TMEM254: variants seen among roughly 807,000 people sequenced by gnomAD.
TMEM254 encodes transmembrane protein 254, also known as transmembrane protein C10orf57.
Under a neutral mutation model 13.9 loss-of-function variants are expected in TMEM254, and 16 were observed. The observed-to-expected ratio is 1.15, with a 90% CI of 0.78 to 1.75. The LOEUF (loss-of-function observed/expected upper bound fraction) is 1.75. Ranked by LOEUF, TMEM254 falls within the 40% of genes most tolerant of loss-of-function variation. The pLI is 0.00. For synonymous variants in TMEM254, 61 were observed against 56.4 expected (o/e 1.08, Z -0.36); for missense variants, 155 against 149.0 (o/e 1.04, Z -0.21).
At chr10:80,083,889 C>T (rs540600051) in intron 3 of TMEM254, among the ~76,000 whole-genome samples, 1 of 152,014 alleles carries the variant, frequency 6.6e-6, no homozygotes, top group Non-Finnish European at 1.5e-5. Context: ...CCATCCTGGC[C>T]AACATGACAA....
Position 80,082,210 on chromosome 10 carries a change from T to G in TMEM254, c.251+6T>G, listed in dbSNP as rs138678761. ...TATGCCATAGTATTGTGCAAGTAAG[T>G]CTTTGAAGTAGGTGTTTGTTGCCTT... On this transcript the variant is annotated splice_donor_region_variant and intron_variant, in intron 3 of 3. Transcript: ENST00000372281. 7.9e-4 allele frequency: 1,271 copies of G among 1,614,054 alleles called. 15 individuals are homozygous for G. In the African/African-American group the frequency reaches 0.015, roughly 19 times the overall value.
rs1434191039 is a variant in TMEM254, at chr10:80,082,201, G to A, written c.248G>A (p.Cys83Tyr). The A allele has an allele frequency of 6.2e-7, 1 of 1,614,132 alleles. No homozygotes were observed. Among genetic ancestry groups the A allele is most frequent in the Non-Finnish European group, 8.5e-7 (1 of 1,180,026 alleles). Residue 83 changes from cysteine to tyrosine, a missense_variant, in exon 3 of 4, where the codon TGC becomes TAC. By Grantham distance (194) the Cys-to-Tyr change is radical (BLOSUM62 -2). Transcript: ENST00000372281. Reference sequence around the variant, plus strand: ...GAGTCCTTGTATGCCATAGTATTGTGCAAGTAAGTCTTTGAAGTAGGTGTT... The same window carrying A: ...GAGTCCTTGTATGCCATAGTATTGTACAAGTAAGTCTTTGAAGTAGGTGTT... The part of the protein sequence containing the change: ...VGESLYAIVL[C>Y]KHKGITSGRA...
At chr10:80,088,699 C>T (rs1255081312) in intron 3 of TMEM254, among the ~76,000 whole-genome samples, 5 of 146,768 alleles carry the variant, frequency 3.4e-5, no homozygotes, top group African/African-American at 5.0e-5. Context: ...CGGGAGGCCC[C>T]GGAGCTTGCA....
intron 3 of TMEM254, among the ~76,000 whole-genome samples, chr10:80,083,262 C>G (rs1429209101): frequency 2.0e-5 from 3 of 151,960 alleles, no homozygotes; most frequent in Non-Finnish European, 1.5e-5. Context: ...CACCACCATG[C>G]CTGGCTAATT....
At chr10:80,082,367 G>C (rs1258304406) in intron 3 of TMEM254, 163 bp downstream of exon 3, 1 of 708,402 alleles carries the variant, frequency 1.4e-6, no homozygotes, top group African/African-American at 1.8e-5. Flanking sequence ...GCAGTACCCA[G>C]TAAATGTTTG....
At chr10:80,085,031 A>G (rs1442554541) in intron 3 of TMEM254, among the ~76,000 whole-genome samples, 2 of 152,008 alleles carry the variant, frequency 1.3e-5, no homozygotes, top group Non-Finnish European at 2.9e-5. Context: ...CATGTTGGCC[A>G]GGATGGTCTT....
At chr10:80,080,905 CTCTG>C (rs1023363242) in intron 1 of TMEM254, among the ~76,000 whole-genome samples, 5 of 152,176 alleles carry the variant, frequency 3.3e-5, no homozygotes, top group Admixed American at 6.5e-5. Context: ...CATGGTGAAA[CTCTG>C]TCTGTATTAA....
chr10:80,088,199 T>C (rs1163296832), intron 3 of TMEM254, among the ~76,000 whole-genome samples: 2 of 152,206 alleles, frequency 1.3e-5, no homozygotes, highest in Admixed American at 6.5e-5. Context: ...TTCTGTTCCA[T>C]TGGCCTGTTT....
intron 3 of TMEM254, among the ~76,000 whole-genome samples, chr10:80,084,778 G>A (rs769749482): frequency 1.1e-4 from 16 of 151,918 alleles, no homozygotes; most frequent in Non-Finnish European, 2.1e-4. Flanking sequence ...GTTGGCATTT[G>A]GAGTATCTGA....
chr10:80,079,042 C>G (rs1306725076), intron 1 of TMEM254: 1 of 1,499,638 alleles, frequency 6.7e-7, no homozygotes, highest in Non-Finnish European at 9.0e-7. Context: ...GCGGGGACGG[C>G]TGGGGAGCTC....
At chr10:80,079,619 C>T (rs1843864085) in intron 1 of TMEM254, 1 of 986,708 alleles carries the variant, frequency 1.0e-6, no homozygotes. Flanking sequence ...GAAAGCTGTA[C>T]CTAGAAAAAG....
intron 3 of TMEM254, 99 bp downstream of exon 3, chr10:80,082,303 A>G (rs1844079183): frequency 6.4e-6 from 9 of 1,405,204 alleles, no homozygotes; most frequent in Non-Finnish European, 9.0e-6. Flanking sequence ...TAGGCTGAGA[A>G]TATTCTCAGG....
chr10:80,082,317 G>T, intron 3 of TMEM254, 113 bp downstream of exon 3: 2 of 1,271,768 alleles, frequency 1.6e-6, no homozygotes, highest in Non-Finnish European at 2.3e-6. Context: ...TCTCAGGGTA[G>T]AGCGGAATCC....
rs1325063988 is a variant in TMEM254, at chr10:80,090,871, T to A, written c.326T>A (p.Leu109His). ...LQTFFFGIAS[L>H]TILIAYKRKR... is the part of the protein sequence containing the mutation. ...ACTTTCTTCTTTGGGATAGCGTCTCTCACCATCTTGATTGCTTACAAACGG... is the reference window on the plus strand; with the variant it reads ...ACTTTCTTCTTTGGGATAGCGTCTCACACCATCTTGATTGCTTACAAACGG... The change falls in exon 4 of 4, where the codon CTC becomes CAC. Residue 109 changes from leucine to histidine, a missense_variant. Physicochemically the swap from Leu to His is moderately conservative, Grantham distance 99. Coordinates refer to ENST00000372281, the MANE Select transcript of TMEM254 (RefSeq NM_025125.4). The A allele has an allele frequency of 6.2e-7, 1 of 1,614,188 alleles. No homozygotes were observed. Among genetic ancestry groups the A allele is most frequent in the Non-Finnish European group, 8.5e-7 (1 of 1,180,020 alleles).
intron 3 of TMEM254, among the ~76,000 whole-genome samples, chr10:80,089,654 G>C (rs972869455): frequency 2.6e-5 from 4 of 151,182 alleles, no homozygotes; most frequent in Admixed American, 2.6e-4. Flanking sequence ...CTCCACTGTA[G>C]GTGACAGAGT....
intron 3 of TMEM254, among the ~76,000 whole-genome samples, chr10:80,085,429 T>G (rs1844266051): frequency 6.6e-6 from 1 of 151,620 alleles, no homozygotes; most frequent in Admixed American, 6.6e-5. Flanking sequence ...TAGCTGGGTG[T>G]GGTGGCACAT....
intron 1 of TMEM254, 44 bp downstream of exon 1, chr10:80,078,830 G>C: frequency 6.4e-7 from 1 of 1,559,372 alleles, no homozygotes; most frequent in Non-Finnish European, 8.7e-7. Context: ...GAACGAGCGA[G>C]CGCTCGGTTC....
Position 80,082,258 on chromosome 10 carries a change from T to C in TMEM254, c.251+54T>C, listed in dbSNP as rs113419712. Reference sequence around the variant, plus strand: ...CTTTCTCTTAGTAGCTAATATAAATTGAGAGCAGCCACATTTAAATAGTTC... The same window carrying C: ...CTTTCTCTTAGTAGCTAATATAAATCGAGAGCAGCCACATTTAAATAGTTC... On this transcript the variant is annotated intron_variant, in intron 3 of 3. Coordinates refer to ENST00000372281, the MANE Select transcript of TMEM254 (RefSeq NM_025125.4). The C allele has an allele frequency of 8.8e-4, 1,400 of 1,586,726 alleles. 14 individuals carry two copies. In the African/African-American group the frequency reaches 0.017, roughly 19 times the overall value.
chr10:80,080,324 T>C (rs2132267534), intron 1 of TMEM254, among the ~76,000 whole-genome samples: 1 of 152,320 alleles, frequency 6.6e-6, no homozygotes, highest in African/African-American at 2.4e-5. Context: ...GGACAATACA[T>C]TTTGAAACTG....
Sources: allele counts gnomAD v4.1 joint callset (sites outside exome capture counted in the v4.1 genomes callset), GRCh38; gene constraint gnomAD v4.1.1; transcripts MANE v1.5; gene names NCBI Gene and HGNC (gene_info 2026-07-23, HGNC 2026-07-21).